Variants in USH2A observed in about 807,000 individuals in gnomAD.
The protein encoded by USH2A is usherin.
USH2A carries 443 observed loss-of-function variants against 538.9 expected under a neutral mutation model. The observed-to-expected ratio is 0.82, with a 90% confidence interval of 0.76 to 0.89. The LOEUF (loss-of-function observed/expected upper bound fraction) is 0.89, where lower values mean the gene tolerates loss of function less well. USH2A is among the 40% of genes least tolerant of loss of function. The pLI is 0.00. For missense variants in USH2A, 6,633 were observed against 6,324.8 expected (o/e 1.05, Z -1.65); for synonymous variants, 2,413 against 2,273.5 (o/e 1.06, Z -1.75).
At chr1:216,151,287 T>A (rs1456026744) in intron 21 of USH2A, among the ~76,000 whole-genome samples, 2 of 152,076 alleles carry the variant, frequency 1.3e-5, no homozygotes, top group Non-Finnish European at 2.9e-5. Context: ...ATCTCCAGTT[T>A]TGCCTCGCAC....
chr1:216,372,950 T>C (rs1381331745), intron 3 of USH2A, among the ~76,000 whole-genome samples: 1 of 152,198 alleles, frequency 6.6e-6, no homozygotes, highest in African/African-American at 2.4e-5. Context: ...AGAAAACTTT[T>C]TCAGCATGTT....
rs1487224395 is a variant in USH2A at position 215,728,300 on chromosome 1, C to G, written c.11796G>C (p.Leu3932=). ...ALEFMDEGDT[L]RPFTLYEYRV... ...GATATTCGTAGAGTGTGAAAGGCCT[C>G]AGGGTGTCTCCTTCATCCATAAATT... Residue 3932 remains leucine (L), a synonymous_variant, in exon 61 of 72, where the codon CTG becomes CTC. Coordinates refer to ENST00000307340, the MANE Select transcript of USH2A (RefSeq NM_206933.4). 6.2e-7 allele frequency: 1 copy of G among 1,614,148 alleles called. No individual in the cohort carries two copies. The highest frequency in any genetic ancestry group is 1.3e-5 in the African/African-American group (1 of 75,018).
intron 21 of USH2A, among the ~76,000 whole-genome samples, chr1:216,142,992 T>A (rs991653469): frequency 6.6e-6 from 1 of 152,182 alleles, no homozygotes; most frequent in African/African-American, 2.4e-5. Flanking sequence ...TAAACAGTTA[T>A]CATGTGTCCC....
intron 15 of USH2A, among the ~76,000 whole-genome samples, chr1:216,217,017 G>A (rs1035611853): frequency 1.3e-5 from 2 of 151,992 alleles, no homozygotes; most frequent in Admixed American, 6.6e-5. Context: ...ACCTGGAAAT[G>A]TCTTTGTGTC....
chr1:216,223,509 T>C (rs947219710), intron 14 of USH2A, among the ~76,000 whole-genome samples: 1 of 152,310 alleles, frequency 6.6e-6, no homozygotes, highest in African/African-American at 2.4e-5. Flanking sequence ...TGGTTAAGCC[T>C]CGTGCCTTGC....
chr1:216,156,488 C>T (rs1408790889), intron 21 of USH2A, among the ~76,000 whole-genome samples: 1 of 151,948 alleles, frequency 6.6e-6, no homozygotes, highest in African/African-American at 2.4e-5. Context: ...ATAAAGTGCA[C>T]TAATTATCAA....
At position 216,395,571 on chromosome 1, in the gene USH2A, T is replaced by C. The variant is rs1050867535; in HGVS notation, c.651+22943A>G. On this transcript the variant is annotated intron_variant, in intron 3 of 71. Coordinates refer to ENST00000307340, the MANE Select transcript of USH2A (RefSeq NM_206933.4). ...TGTACAGGTATGGTATCACAACTTA[T>C]GCTCCTCAAAACAAAAATGTTTAAC... Among the ~76,000 whole-genome samples the C allele has an allele frequency of 4.6e-5, 7 of 152,356 alleles. No homozygotes were observed. In the Middle Eastern group the frequency reaches 0.017, roughly 370 times the overall value.
intron 42 of USH2A, 26 bp downstream of exon 42, chr1:215,878,738 T>A: frequency 1.9e-6 from 3 of 1,609,954 alleles, no homozygotes; most frequent in Non-Finnish European, 2.5e-6. Context: ...TACAGCAACA[T>A]AAAAATCATA....
At chr1:215,638,893 G>A (rs1332849166) in intron 69 of USH2A, among the ~76,000 whole-genome samples, 1 of 150,476 alleles carries the variant, frequency 6.6e-6, no homozygotes, top group Non-Finnish European at 1.5e-5. Context: ...CAGGAGAATC[G>A]CTTGAACCCA....
intron 21 of USH2A, among the ~76,000 whole-genome samples, chr1:216,144,704 T>C (rs1321618566): frequency 2.6e-5 from 4 of 152,300 alleles, no homozygotes; most frequent in Non-Finnish European, 5.9e-5. Flanking sequence ...AAATGAATAT[T>C]ACCTAATTCA....
At chr1:216,198,647 G>C in intron 17 of USH2A, 63 bp from the exon 18 acceptor site, 4 of 1,481,354 alleles carry the variant, frequency 2.7e-6, no homozygotes, top group Non-Finnish European at 3.7e-6. Flanking sequence ...TTAGGGGTAG[G>C]GTAGGGACAG....
At chr1:215,801,301 G>T (rs1662325468) in intron 49 of USH2A, among the ~76,000 whole-genome samples, 1 of 148,706 alleles carries the variant, frequency 6.7e-6, no homozygotes, top group Non-Finnish European at 1.5e-5. Flanking sequence ...ATAGGCAAGA[G>T]AAAAAAATAA....
At chr1:215,757,582 T>C (rs1660849677) in intron 58 of USH2A, among the ~76,000 whole-genome samples, 1 of 152,220 alleles carries the variant, frequency 6.6e-6, no homozygotes, top group Non-Finnish European at 1.5e-5. Context: ...TAAAGTCACA[T>C]AATTTTGAAG....
In USH2A at chr1:215,785,657, TA is replaced by T. The variant is rs913614868; in HGVS notation, c.10387+1012del. Among the ~76,000 whole-genome samples, 26 of 152,220 alleles carry T rather than the reference TA, an allele frequency of 1.7e-4. No individual in the cohort carries two copies. In the East Asian group the frequency reaches 3.7e-3, roughly 21 times the overall value. ...ATGTACCCTAGAACTTAAAGTATAATAAAAAAATTAAAGTACCTAGTATAAC... is the reference window on the plus strand; with the variant it reads ...ATGTACCCTAGAACTTAAAGTATAATAAAAAATTAAAGTACCTAGTATAAC... On this transcript the variant is annotated intron_variant, in intron 52 of 71. Transcript: ENST00000307340.
At chr1:215,859,471 T>C (rs1203572905) in intron 44 of USH2A, among the ~76,000 whole-genome samples, 1 of 149,956 alleles carries the variant, frequency 6.7e-6, no homozygotes, top group Non-Finnish European at 1.5e-5. Flanking sequence ...GAGGTGGAGG[T>C]TGCAGTGAGC....
In USH2A at chr1:216,089,112, T is replaced by G. The variant is rs753964746; in HGVS notation, c.4786A>C (p.Asn1596His). Residue 1596 changes from asparagine (N) to histidine (H), a missense_variant, in exon 23 of 72, where the codon AAT becomes CAT. By Grantham distance (68) the Asn-to-His change is moderately conservative. Coordinates refer to ENST00000307340, the MANE Select transcript of USH2A (RefSeq NM_206933.4). Reference protein sequence around the residue: ...QGSPVEVTTTNDHGKQYSDGK... With the variant: ...QGSPVEVTTTHDHGKQYSDGK... ...TCACTATATTGTTTGCCATGATCAT[T>G]AGTTGTAGTTACTTCCACTGGTGAC... is the stretch of plus-strand genomic sequence containing the variant. 6.2e-7 allele frequency: 1 copy of G among 1,613,226 alleles called. No homozygotes were observed. The highest frequency in any genetic ancestry group is 1.7e-5 in the Admixed American group (1 of 59,986).
intron 3 of USH2A, among the ~76,000 whole-genome samples, chr1:216,372,880 T>C (rs538688967): frequency 6.6e-6 from 1 of 152,308 alleles, no homozygotes; most frequent in East Asian, 1.9e-4. Flanking sequence ...CCTTTTTCTA[T>C]TTTACTCATG....
Position 215,816,631 on chromosome 1 carries a change from T to C in USH2A, c.9570+366A>G, listed in dbSNP as rs6540912. Among the ~76,000 whole-genome samples, 4 of 151,950 alleles carry C rather than the reference T, an allele frequency of 2.6e-5. No individual in the cohort carries two copies. In the East Asian group the frequency reaches 7.8e-4, roughly 29 times the overall value. Reference sequence around the variant, plus strand: ...TCTACAAATGACTATAATGCTAAAATATTTCTGACAAATCATAAAATGTCC... The same window carrying C: ...TCTACAAATGACTATAATGCTAAAACATTTCTGACAAATCATAAAATGTCC... On this transcript the variant is annotated intron_variant, in intron 48 of 71. Coordinates refer to ENST00000307340, the MANE Select transcript of USH2A (RefSeq NM_206933.4).
chr1:215,968,570 A>G (rs1667415104), intron 36 of USH2A, among the ~76,000 whole-genome samples: 1 of 152,188 alleles, frequency 6.6e-6, no homozygotes, highest in Non-Finnish European at 1.5e-5. Context: ...TGCAATTTGG[A>G]GGATGAACCA....
Sources: allele counts gnomAD v4.1 joint callset (sites outside exome capture counted in the v4.1 genomes callset), GRCh38; gene constraint gnomAD v4.1.1; transcripts MANE v1.5; gene names NCBI Gene and HGNC (gene_info 2026-07-23, HGNC 2026-07-21).